ESR2: variants seen among roughly 807,000 people sequenced by gnomAD.
ESR2 encodes the protein estrogen receptor 2.
In ESR2, 36 loss-of-function variants were observed where a neutral mutation model predicts 49.6. The ratio of observed to expected loss-of-function variants is 0.73; its 90% confidence interval spans 0.56 to 0.96. The LOEUF is 0.96. Ranked by LOEUF, ESR2 falls within the 40% of genes least tolerant of loss-of-function variation. The probability of loss-of-function intolerance (pLI) is 0.00; values close to 1 mark genes in which losing one functional copy is unlikely to be tolerated. For synonymous variants in ESR2, 320 were observed against 266.1 expected, an observed-to-expected ratio of 1.20 and a Z score of -1.97; for missense variants, 714 against 693.0, an observed-to-expected ratio of 1.03 and a Z score of -0.34.
intron 5 of ESR2, among the ~76,000 whole-genome samples, chr14:64,258,739 G>T (rs2076154256): frequency 1.3e-5 from 2 of 152,136 alleles, no homozygotes; most frequent in Non-Finnish European, 2.9e-5. Context: ...CTCAGTTTAG[G>T]TTCCTAATGT....
intron 2 of ESR2, 76 bp from the exon 3 acceptor site, chr14:64,280,229 A>G (rs2076637800): frequency 3.0e-6 from 3 of 1,008,968 alleles, no homozygotes; most frequent in Middle Eastern, 2.4e-4. Flanking sequence ...AAAAAATAGC[A>G]TGAACATTGC....
At chr14:64,316,641 T>A (rs2077259511) in intron 1 of ESR2, among the ~76,000 whole-genome samples, 1 of 151,590 alleles carries the variant, frequency 6.6e-6, no homozygotes, top group Admixed American at 6.6e-5. Flanking sequence ...AAACCCTGTC[T>A]CTACTAAAAA....
rs966821724 is a variant in ESR2, at chr14:64,305,310, T to G, written c.-90-22235A>C. Reference sequence around the variant, plus strand: ...CGTCTCAAAAAAAAAAAAAAAAAATTAATTAATAGGCAACATTTTAAAATA... The same window carrying G: ...CGTCTCAAAAAAAAAAAAAAAAAATGAATTAATAGGCAACATTTTAAAATA... On this transcript the variant is annotated intron_variant, in intron 1 of 8. Coordinates refer to the ESR2 transcript ENST00000358599. 9.6e-5 allele frequency among the ~76,000 whole-genome samples: 12 copies of G among 125,636 alleles called. No homozygotes were observed. The East Asian group carries it at 2.8e-3, about 29-fold the overall frequency. The allele number at this position is 125,636 out of a possible 152,430, so 82.4% of individuals were successfully genotyped here. A position where few individuals can be genotyped will look rare whatever the true frequency, so the allele number is the denominator to read the frequency against.
chr14:64,298,518 G>A (rs1266649751), upstream of ESR2: 1 of 152,168 alleles, frequency 6.6e-6, no homozygotes, highest in Non-Finnish European at 1.5e-5. Flanking sequence ...TTCTTGTCTA[G>A]GAATGACCAC....
intron 1 of ESR2, among the ~76,000 whole-genome samples, chr14:64,283,771 A>AAG (rs1567777134): frequency 1.2e-3 from 148 of 124,224 alleles, no homozygotes; most frequent in South Asian, 4.0e-3. Flanking sequence ...AAAAAAAAAA[A>AAG]AGAGAGAAAT....
At position 64,302,140 on chromosome 14, in the gene ESR2, G is replaced by A. The variant is rs750717297; in HGVS notation, c.-90-19065C>T. Among the ~76,000 whole-genome samples, 48 of 148,732 alleles carry A rather than the reference G, an allele frequency of 3.2e-4. 1 individual carries two copies. Among genetic ancestry groups the A allele is most frequent in the Middle Eastern group, 3.5e-3 (1 of 288 alleles). On this transcript the variant is annotated intron_variant, in intron 1 of 8. Coordinates refer to the ESR2 transcript ENST00000358599. The stretch of plus-strand genomic sequence containing the variant: ...TCACAGGGTCATAAGAGTCACCTGG[G>A]TCACTTTTTTATTTTTTATTTTTAT...
chr14:64,248,939 T>G (rs2075927307), intron 7 of ESR2, among the ~76,000 whole-genome samples: 1 of 152,214 alleles, frequency 6.6e-6, no homozygotes, highest in Non-Finnish European at 1.5e-5. Flanking sequence ...GGGCAGCAGT[T>G]TCTAATCTTC....
chr14:64,314,529 A>G (rs971182794), intron 1 of ESR2, among the ~76,000 whole-genome samples: 20 of 151,830 alleles, frequency 1.3e-4, no homozygotes, highest in Non-Finnish European at 2.6e-4. Flanking sequence ...GATTAAATGT[A>G]AAACAGGAAA....
chr14:64,336,516 T>C (rs2077534275), intron 1 of ESR2: 1 of 152,256 alleles, frequency 6.6e-6, no homozygotes. Flanking sequence ...ACCTGTCTTG[T>C]AAGGCAGCAT....
At chr14:64,275,281 T>C (rs941070356) in intron 3 of ESR2, among the ~76,000 whole-genome samples, 4 of 152,246 alleles carry the variant, frequency 2.6e-5, no homozygotes, top group African/African-American at 7.2e-5. Context: ...GCTCCAGACA[T>C]ATTTACAATT....
At chr14:64,233,538 C>A in intron 8 of ESR2, 1 of 553,944 alleles carries the variant, frequency 1.8e-6, no homozygotes, top group East Asian at 2.9e-5. Context: ...TGTCCCACCA[C>A]ACACCTACAA....
chr14:64,260,577 G>T lies in ESR2; in HGVS notation c.824C>A (p.Ala275Asp). 6.2e-7 allele frequency: 1 copy of T among 1,604,704 alleles called. No homozygotes were observed. The highest frequency in any genetic ancestry group is 8.5e-7 in the Non-Finnish European group (1 of 1,174,502). ...GCTGATCAGCACATGGGGCGGCTCA[G>T]CCTCCAGGAGGGTGAGCACTAGCTG... is the stretch of plus-strand genomic sequence containing the variant. Reference protein sequence around the residue: ...PEQLVLTLLEAEPPHVLISRP... With the variant: ...PEQLVLTLLEDEPPHVLISRP... The change falls in exon 5 of 9, where the codon GCT becomes GAT. Residue 275 changes from alanine to aspartate, a missense_variant. Physicochemically the swap from Ala to Asp is moderately radical, Grantham distance 126. Coordinates refer to ENST00000341099, the MANE Select transcript of ESR2 (RefSeq NM_001437.3).
At chr14:64,248,502 T>C (rs1229589981) in intron 7 of ESR2, among the ~76,000 whole-genome samples, 3 of 92,632 alleles carry the variant, frequency 3.2e-5, no homozygotes, top group East Asian at 6.0e-4. Context: ...CAAGATCCTG[T>C]CTCAAAAAAA....
Position 64,324,564 on chromosome 14 carries a change from A to G in ESR2, c.-91+13334T>C, listed in dbSNP as rs141202767. Among the ~76,000 whole-genome samples, 1,139 of 152,290 alleles carry G rather than the reference A, an allele frequency of 7.5e-3. 4 individuals carry two copies. The highest frequency in any genetic ancestry group is 0.013 in the Non-Finnish European group (864 of 68,004). ...TTAAAAGCAATTTTTCCTTCCAGGT[A>G]TTTCAAGGATCTTTTGTTGTTCCCT... On this transcript the variant is annotated intron_variant, in intron 1 of 8. Transcript: ENST00000358599.
In ESR2 at chr14:64,233,136, G is replaced by A. The variant is rs977866234; in HGVS notation, c.*1C>T. ...GGGCCAGTTCACCTCAGGGCCAGGC[G>A]TCACTGAGACTGTGGGTTCTGGGAG... On this transcript the variant is annotated 3_prime_UTR_variant, in exon 9 of 9. Transcript: ENST00000341099. 1.3e-5 allele frequency: 21 copies of A among 1,612,450 alleles called. No homozygotes were observed. The highest frequency in any genetic ancestry group is 5.5e-5 in the South Asian group (5 of 91,046).
chr14:64,257,344 AC>A lies in ESR2; in HGVS notation c.972del (p.Phe325SerfsTer15). 1 of 1,613,074 alleles carries A rather than the reference AC, an allele frequency of 6.2e-7. No homozygotes were observed. The highest frequency in any genetic ancestry group is 8.5e-7 in the Non-Finnish European group (1 of 1,180,012). On this transcript the variant is annotated frameshift_variant, in exon 6 of 9. Transcript: ENST00000341099. LOFTEE classifies it high-confidence loss of function. ...CTCTCCAAGAGCCGCACTTGGTCGA[AC>A]AGGCTGAGCTCCACAAAGCCTGGGG... is the stretch of plus-strand genomic sequence containing the variant. ...KKIPGFVELS[L>X]FDQVRLLESC...
At chr14:64,307,563 C>T (rs1003382338) in intron 1 of ESR2, among the ~76,000 whole-genome samples, 2 of 151,778 alleles carry the variant, frequency 1.3e-5, no homozygotes, top group African/African-American at 4.8e-5. Context: ...GAGACAGAGT[C>T]TCATTCTGTC....
Position 64,264,005 on chromosome 14 carries a change from C to CATCTTT in ESR2, c.653-3263_653-3258dup, listed in dbSNP as rs1423486084. Among the ~76,000 whole-genome samples, 12 of 152,218 alleles carry CATCTTT rather than the reference C, an allele frequency of 7.9e-5. 1 individual carries two copies. The highest frequency in any genetic ancestry group is 2.6e-4 in the African/African-American group (11 of 41,546). On this transcript the variant is annotated intron_variant, in intron 4 of 8. Transcript: ENST00000341099. ...AAATCCCTATACATTTGAGCACCAA[C>CATCTTT]ATCTTTATAAGTTTTCATCGGTTAA...
chr14:64,313,654 C>T (rs1047417631), intron 1 of ESR2, among the ~76,000 whole-genome samples: 1 of 151,698 alleles, frequency 6.6e-6, no homozygotes, highest in African/African-American at 2.4e-5. Flanking sequence ...CTTTGGAAGG[C>T]TGAGGCGGGT....
Sources: allele counts gnomAD v4.1 joint callset (sites outside exome capture counted in the v4.1 genomes callset), GRCh38; gene constraint gnomAD v4.1.1; transcripts MANE v1.5; gene names NCBI Gene and HGNC (gene_info 2026-07-23, HGNC 2026-07-21).